TRPM3: variants seen among roughly 807,000 people sequenced by gnomAD.
TRPM3 encodes the protein long transient receptor potential channel 3.
Under a neutral mutation model 181.2 loss-of-function variants are expected in TRPM3, and 77 were observed. The observed-to-expected ratio is 0.42, with a 90% CI of 0.35 to 0.51. The LOEUF (loss-of-function observed/expected upper bound fraction) is 0.51. Among genes scored for constraint, TRPM3 ranks in the 20% least tolerant of loss-of-function variants. The probability of loss-of-function intolerance (pLI) is 0.01; values close to 1 mark genes in which losing one functional copy is unlikely to be tolerated. For missense variants in TRPM3, 1,759 were observed against 2,196.7 expected (o/e 0.80, Z 3.98); for synonymous variants, 745 against 796.4 (o/e 0.94, Z 1.09).
chr9:71,218,195 A>T (rs2080014639), intron 1 of TRPM3, among the ~76,000 whole-genome samples: 1 of 152,238 alleles, frequency 6.6e-6, no homozygotes, highest in Non-Finnish European at 1.5e-5. Flanking sequence ...TCCTGCACAT[A>T]GAATTTTGGG....
intron 1 of TRPM3, among the ~76,000 whole-genome samples, chr9:71,060,857 G>C (rs1360566820): frequency 6.6e-6 from 1 of 152,058 alleles, no homozygotes. Context: ...TCCCTGCCTA[G>C]TCAAGCTACT....
At chr9:71,300,212 T>C (rs2132322193) in intron 1 of TRPM3, among the ~76,000 whole-genome samples, 1 of 152,250 alleles carries the variant, frequency 6.6e-6, no homozygotes, top group Middle Eastern at 3.4e-3. Context: ...ATTAGAAACA[T>C]TAACTTTGTA....
intron 9 of TRPM3, among the ~76,000 whole-genome samples, chr9:70,680,896 G>A (rs1392257251): frequency 6.6e-6 from 1 of 152,136 alleles, no homozygotes; most frequent in Admixed American, 6.5e-5. Context: ...AGATAGATGA[G>A]GACTTTGTAG....
At chr9:70,954,813 C>G (rs1047900359) in intron 1 of TRPM3, among the ~76,000 whole-genome samples, 1 of 142,386 alleles carries the variant, frequency 7.0e-6, no homozygotes, top group African/African-American at 2.4e-5. Context: ...CCGGGCCCTA[C>G]GCTTCCTGGG....
At position 71,192,747 on chromosome 9, in the gene TRPM3, C is replaced by T. The variant is rs114625048; in HGVS notation, c.183+253906G>A. ...GATTGTTTCTTTTGCTATGCATAAA[C>T]TTTTTAGGTTGATGTAGTCCCAATT... is the stretch of plus-strand genomic sequence containing the variant. On this transcript the variant is annotated intron_variant, in intron 1 of 24. Transcript: ENST00000357533. 2.6e-3 allele frequency among the ~76,000 whole-genome samples: 393 copies of T among 151,846 alleles called. 3 individuals are homozygous for T. Among genetic ancestry groups the T allele is most frequent in the African/African-American group, 8.8e-3 (364 of 41,476 alleles).
rs572078431 is a variant in TRPM3 at position 70,748,571 on chromosome 9, G to C, written c.1272+13030C>G. ...AGGTGGGGCCTTTGAGAAGTGATTA[G>C]GTCCTGAGGTCTTTGCCCTGATGAA... On this transcript the variant is annotated intron_variant, in intron 8 of 25. Coordinates refer to ENST00000677713, the MANE Select transcript of TRPM3 (RefSeq NM_001366145.2). Among the ~76,000 whole-genome samples the C allele has an allele frequency of 9.1e-4, 138 of 152,228 alleles. 1 individual carries two copies. The highest frequency in any genetic ancestry group is 3.2e-3 in the African/African-American group (133 of 41,552).
intron 1 of TRPM3, among the ~76,000 whole-genome samples, chr9:71,275,161 C>A (rs2084097154): frequency 6.6e-6 from 1 of 152,192 alleles, no homozygotes; most frequent in African/African-American, 2.4e-5. Context: ...AAAAAAGAAT[C>A]TTCCAACGAA....
At chr9:70,601,366 C>T (rs1050987347) in intron 20 of TRPM3, among the ~76,000 whole-genome samples, 1 of 152,164 alleles carries the variant, frequency 6.6e-6, no homozygotes, top group South Asian at 2.1e-4. Context: ...ACCACAAAGC[C>T]TTCCTTTTGT....
At chr9:70,945,606 A>G (rs2096925305) in intron 1 of TRPM3, among the ~76,000 whole-genome samples, 1 of 152,124 alleles carries the variant, frequency 6.6e-6, no homozygotes, top group Non-Finnish European at 1.5e-5. Flanking sequence ...ACAATAGCTC[A>G]CAGGTTGAAA....
In TRPM3 at chr9:70,537,246, C is replaced by G. The variant is rs1489551379; in HGVS notation, c.3867G>C (p.Glu1289Asp). 6.3e-7 allele frequency: 1 copy of G among 1,596,790 alleles called. No homozygotes were observed. Among genetic ancestry groups the G allele is most frequent in the African/African-American group, 1.3e-5 (1 of 74,540 alleles). ...AGGTCCTCGAGCGGATTTTGTTGGA[C>G]TCGGCCCGCTCCAGACCTGTCAGGC... ...LERLTGLERA[E>D]SNKIRSRTSS... The change falls in exon 26 of 26, where the codon GAG (glutamate) becomes GAC (aspartate). Residue 1289 changes from glutamate to aspartate, a missense_variant. Physicochemically the swap from Glu to Asp is conservative, Grantham distance 45. Coordinates refer to ENST00000677713, the MANE Select transcript of TRPM3 (RefSeq NM_001366145.2).
intron 1 of TRPM3, among the ~76,000 whole-genome samples, chr9:70,899,445 G>A (rs749794723): frequency 8.6e-5 from 13 of 151,838 alleles, no homozygotes; most frequent in Non-Finnish European, 1.8e-4. Context: ...CTCTCATTAC[G>A]TCCTTCCTTC....
intron 1 of TRPM3, among the ~76,000 whole-genome samples, chr9:70,970,622 C>G (rs1473959360): frequency 6.6e-6 from 1 of 152,072 alleles, no homozygotes; most frequent in Non-Finnish European, 1.5e-5. Flanking sequence ...AACATTTGCC[C>G]ATTATCTTGT....
chr9:70,605,775 A>G (rs12682832), intron 19 of TRPM3, among the ~76,000 whole-genome samples: 75,441 of 151,978 alleles, frequency 0.5, 20,470 homozygotes, highest in Admixed American at 0.6. Flanking sequence ...TCCTTCTCTT[A>G]GTTGGGTCAA....
intron 8 of TRPM3, among the ~76,000 whole-genome samples, chr9:70,694,319 G>A (rs2069526557): frequency 6.6e-6 from 1 of 152,124 alleles, no homozygotes; most frequent in Admixed American, 6.5e-5. Context: ...GCTGGTGACT[G>A]GAGATCTTTT....
At chr9:70,950,694 CTA>C (rs1448386843) in intron 1 of TRPM3, among the ~76,000 whole-genome samples, 1 of 152,170 alleles carries the variant, frequency 6.6e-6, no homozygotes, top group African/African-American at 2.4e-5. Context: ...ACATTAGAAA[CTA>C]TGAATTCACT....
rs1246893623 is a variant in TRPM3, at chr9:71,035,311, TAAC to T, written c.177+85864_177+85866del. On this transcript the variant is annotated intron_variant, in intron 1 of 25. Coordinates refer to ENST00000677713, the MANE Select transcript of TRPM3 (RefSeq NM_001366145.2). The stretch of plus-strand genomic sequence containing the variant: ...ACAATCTTCCCAGAAATTCTCCTAA[TAAC>T]AACAACTCCCACAATCTAGAAGCTA... Among the ~76,000 whole-genome samples, 9 of 152,194 alleles carry T rather than the reference TAAC, an allele frequency of 5.9e-5. No individual in the cohort carries two copies. The East Asian group carries it at 1.3e-3, about 23-fold the overall frequency.
At chr9:70,687,124 C>T (rs1032350713) in intron 8 of TRPM3, among the ~76,000 whole-genome samples, 2 of 152,132 alleles carry the variant, frequency 1.3e-5, no homozygotes, top group Non-Finnish European at 2.9e-5. Context: ...CCTCCTTTAA[C>T]ATTCCAGAAA....
chr9:71,206,183 A>C (rs112795080), intron 1 of TRPM3, among the ~76,000 whole-genome samples: 15 of 152,290 alleles, frequency 9.8e-5, no homozygotes, highest in African/African-American at 3.6e-4. Flanking sequence ...TGTTTTCTAC[A>C]ATGGTTGAAC....
chr9:70,673,430 T>G (rs944408189), intron 9 of TRPM3, among the ~76,000 whole-genome samples: 6 of 151,988 alleles, frequency 3.9e-5, no homozygotes, highest in East Asian at 1.9e-4. Context: ...GCTTAATAAA[T>G]ACTTTTGGAA....
Sources: gnomAD v4.1 joint callset for allele counts (sites outside exome capture counted in the v4.1 genomes callset) on GRCh38, gnomAD v4.1.1 for gene constraint, MANE v1.5 for transcripts, NCBI Gene and HGNC (gene_info 2026-07-23, HGNC 2026-07-21) for gene names.